ELSPBP1: variants seen among roughly 807,000 people sequenced by gnomAD.
ELSPBP1 encodes the protein epididymal sperm binding protein 1.
Under a neutral mutation model 33.3 loss-of-function variants are expected in ELSPBP1, and 38 were observed. The ratio of observed to expected loss-of-function variants is 1.14; its 90% confidence interval spans 0.88 to 1.50. The LOEUF (loss-of-function observed/expected upper bound fraction) is 1.50, where lower values mean the gene tolerates loss of function less well. ELSPBP1 is among the 40% of genes most tolerant of loss of function. The pLI is 0.00. For missense variants in ELSPBP1, 267 were observed against 263.5 expected (o/e 1.01, Z -0.09); for synonymous variants, 85 against 94.1 (o/e 0.90, Z 0.56).
chr19:48,012,816 T>G (rs1967092032), intron 2 of ELSPBP1, among the ~76,000 whole-genome samples: 1 of 152,180 alleles, frequency 6.6e-6, no homozygotes, highest in Non-Finnish European at 1.5e-5. Flanking sequence ...AAAAATTCAT[T>G]TTGGGAGATT....
At chr19:48,021,820 C>T (rs1166819937) in intron 5 of ELSPBP1, among the ~76,000 whole-genome samples, 1 of 152,106 alleles carries the variant, frequency 6.6e-6, no homozygotes, top group African/African-American at 2.4e-5. Flanking sequence ...AATCATGGCT[C>T]AATGCCGCCT....
chr19:48,019,639 T>C (rs1435229284), intron 4 of ELSPBP1, 80 bp from the exon 5 acceptor site: 3 of 1,406,816 alleles, frequency 2.1e-6, no homozygotes, highest in Non-Finnish European at 2.9e-6. Flanking sequence ...GGATAAAGCG[T>C]GGCACAGTTT....
At chr19:48,002,690 G>T (rs1475609393) in intron 1 of ELSPBP1, among the ~76,000 whole-genome samples, 3 of 152,222 alleles carry the variant, frequency 2.0e-5, no homozygotes, top group Admixed American at 2.0e-4. Context: ...GACTCAGGAG[G>T]CCGAGGCAAG....
At chr19:48,007,631 T>C (rs1466435375) in intron 1 of ELSPBP1, among the ~76,000 whole-genome samples, 1 of 152,162 alleles carries the variant, frequency 6.6e-6, no homozygotes, top group Non-Finnish European at 1.5e-5. Flanking sequence ...GAGCTAGTAA[T>C]AACTATGGTT....
intron 4 of ELSPBP1, among the ~76,000 whole-genome samples, 158 bp from the exon 5 acceptor site, chr19:48,019,561 C>T (rs540490886): frequency 2.0e-5 from 3 of 152,168 alleles, no homozygotes; most frequent in East Asian, 1.9e-4. Flanking sequence ...CTCACTTATC[C>T]GTAACATTGG....
At chr19:48,005,093 C>G (rs1967004072) in intron 1 of ELSPBP1, among the ~76,000 whole-genome samples, 1 of 151,938 alleles carries the variant, frequency 6.6e-6, no homozygotes, top group African/African-American at 2.4e-5. Flanking sequence ...GTAGTCCCAG[C>G]CACTTGGGAG....
chr19:48,006,633 A>AG (rs1967021414), intron 1 of ELSPBP1, among the ~76,000 whole-genome samples: 2 of 134,810 alleles, frequency 1.5e-5, no homozygotes, highest in Non-Finnish European at 3.3e-5. Flanking sequence ...AAAAAAAAAA[A>AG]AAAAAAAAAA....
intron 2 of ELSPBP1, among the ~76,000 whole-genome samples, chr19:48,013,797 C>T (rs1448136664): frequency 1.3e-5 from 2 of 152,072 alleles, no homozygotes; most frequent in East Asian, 3.9e-4. Flanking sequence ...ATTTCTGTCT[C>T]CCAGTTCTGG....
At chr19:48,017,192 A>C (rs1224672648) in intron 4 of ELSPBP1, among the ~76,000 whole-genome samples, 2 of 152,146 alleles carry the variant, frequency 1.3e-5, no homozygotes, top group African/African-American at 4.8e-5. Flanking sequence ...CTCTCTCCTT[A>C]AGCATTGTTG....
chr19:48,016,547 CCT>C (rs1967143300), intron 4 of ELSPBP1, among the ~76,000 whole-genome samples: 2 of 119,784 alleles, frequency 1.7e-5, no homozygotes, highest in African/African-American at 6.3e-5. Context: ...TTCCTTCCTT[CCT>C]TCCTTCCTTC....
chr19:48,017,484 T>G (rs572837857), intron 4 of ELSPBP1, among the ~76,000 whole-genome samples: 7 of 152,352 alleles, frequency 4.6e-5, no homozygotes, highest in African/African-American at 1.7e-4. Flanking sequence ...GTATCATTAA[T>G]ACATACATTC....
rs1967083518 is a variant in ELSPBP1, at chr19:48,011,893, TA to T, written c.71-2275del. Among the ~76,000 whole-genome samples the T allele has an allele frequency of 6.6e-6, 1 of 150,636 alleles. No homozygotes were observed. The highest frequency in any genetic ancestry group is 1.5e-5 in the Non-Finnish European group (1 of 67,740). ...TAAACTGGTTTAAGTTTCACAAAAATAAATACCAAACAGTTCTGAGAAACAA... is the reference window on the plus strand; with the variant it reads ...TAAACTGGTTTAAGTTTCACAAAAATAATACCAAACAGTTCTGAGAAACAA... On this transcript the variant is annotated intron_variant, in intron 2 of 6. Transcript: ENST00000339841. This position sits in a 1 kb window ranked among gnomAD's most constrained non-coding sequence, Gnocchi z 4.5.
chr19:48,023,529 G>GGGGAAGGAAGGAAGAAAGGAAGGA (rs143871056), intron 6 of ELSPBP1, among the ~76,000 whole-genome samples: 11 of 106,884 alleles, frequency 1.0e-4, no homozygotes, highest in Admixed American at 3.9e-4. Flanking sequence ...GGAAGGAAGG[G>GGGGAAGGAAGGAAGAAAGGAAGGA]AGGAAGGAAA....
intron 3 of ELSPBP1, among the ~76,000 whole-genome samples, chr19:48,014,844 G>C (rs1394535966): frequency 6.6e-6 from 1 of 152,044 alleles, no homozygotes; most frequent in Non-Finnish European, 1.5e-5. Flanking sequence ...GTTAAAAATA[G>C]TGCTCTCTGG....
At chr19:48,000,041 G>T (rs569255581) in intron 1 of ELSPBP1, among the ~76,000 whole-genome samples, 1 of 151,752 alleles carries the variant, frequency 6.6e-6, no homozygotes, top group African/African-American at 2.4e-5. Context: ...GCACAAGCTG[G>T]TCTTGAACTC....
chr19:48,001,183 T>A (rs74850178), intron 1 of ELSPBP1, among the ~76,000 whole-genome samples: 291 of 152,004 alleles, frequency 1.9e-3, no homozygotes, highest in African/African-American at 6.8e-3. Flanking sequence ...CTGTTTTTTT[T>A]TTTTTTGACA....
intron 3 of ELSPBP1, among the ~76,000 whole-genome samples, chr19:48,014,668 TATA>T (rs772296176): frequency 6.6e-6 from 1 of 151,236 alleles, no homozygotes; most frequent in Non-Finnish European, 1.5e-5. Context: ...AAACTTAAAT[TATA>T]ATAATAATAA....
intron 6 of ELSPBP1, among the ~76,000 whole-genome samples, chr19:48,024,490 G>T (rs1295425850): frequency 1.3e-5 from 2 of 152,150 alleles, no homozygotes; most frequent in African/African-American, 4.8e-5. Context: ...TACAATGCAT[G>T]TGGCTTATGG....
intron 1 of ELSPBP1, among the ~76,000 whole-genome samples, chr19:47,997,640 C>G (rs530557392): frequency 6.6e-6 from 1 of 152,044 alleles, no homozygotes; most frequent in African/African-American, 2.4e-5. Flanking sequence ...AGGCTGGTCT[C>G]AAATTCCTGG....
Sources: gnomAD v4.1 joint callset for allele counts (sites outside exome capture counted in the v4.1 genomes callset) on GRCh38, gnomAD v4.1.1 for gene constraint, Gnocchi (gnomAD v3.1) non-coding constraint, MANE v1.5 for transcripts, NCBI Gene and HGNC (gene_info 2026-07-23, HGNC 2026-07-21) for gene names.